PRR12: variants seen among roughly 807,000 people sequenced by gnomAD.
The protein encoded by PRR12 is proline-rich protein 12.
PRR12 carries 12 observed loss-of-function variants against 138.0 expected under a neutral mutation model. That is an observed-to-expected ratio of 0.09 (90% CI 0.06 to 0.14). The LOEUF (loss-of-function observed/expected upper bound fraction) is 0.14. PRR12 is among the 10% of genes least tolerant of loss of function. The pLI, the probability that PRR12 is intolerant of heterozygous loss-of-function variation, is 1.00. For missense variants in PRR12, 2,692 were observed against 2,861.3 expected (o/e 0.94, Z 1.35); for synonymous variants, 1,567 against 1,291.7 (o/e 1.21, Z -4.57).
Position 49,594,355 on chromosome 19 carries a change from C to T in PRR12, c.200-99C>T. On this transcript the variant is annotated intron_variant, in intron 2 of 13. Coordinates refer to ENST00000418929, the MANE Select transcript of PRR12 (RefSeq NM_020719.3). The surrounding 1 kb of genome is among the most constrained non-coding windows in gnomAD (Gnocchi z 5.6). ...TTGCCCTTTTCTCTCCCATCCCCTCCTTTTCCTGATCCAACTTGCTTTTGG... is the reference window on the plus strand; with the variant it reads ...TTGCCCTTTTCTCTCCCATCCCCTCTTTTTCCTGATCCAACTTGCTTTTGG... The T allele has an allele frequency of 7.9e-7, 1 of 1,266,426 alleles. No homozygotes were observed. The highest frequency in any genetic ancestry group is 1.1e-6 in the Non-Finnish European group (1 of 919,554). The allele number at this position is 1,266,426 out of a possible 1,614,324, so 78.4% of individuals were successfully genotyped here.
In PRR12 at chr19:49,599,293, G is replaced by C. The variant is rs1215282122; in HGVS notation, c.3700G>C (p.Ala1234Pro). 3 of 1,606,800 alleles carry C rather than the reference G, an allele frequency of 1.9e-6. No individual in the cohort carries two copies. The highest frequency in any genetic ancestry group is 1.1e-5 in the South Asian group (1 of 90,564). The change falls in exon 5 of 14, where the codon GCT becomes CCT. Residue 1234 changes from alanine to proline, a missense_variant. Ala to Pro is a conservative substitution (Grantham distance 27). Around this residue, in one of 11 missense-constraint regions of PRR12, gnomAD observed 326 missense variants for 344.2 expected, o/e 0.95. Transcript: ENST00000418929. This position sits in a 1 kb window ranked among gnomAD's most constrained non-coding sequence, Gnocchi z 5.0. ...CTAGATCAAGCTGTCTGTGCCCAAG[G>C]CTGGCGAGGGTCTGGGAACCTCATC... ...PLKIKLSVPK[A>P]GEGLGTSSGD...
chr19:49,596,957 G>A lies in PRR12; in HGVS notation c.2622G>A (p.Leu874=). The change falls in exon 4 of 14, where the codon CTG becomes CTA. Residue 874 remains leucine, a synonymous_variant. Transcript: ENST00000418929. This position sits in a 1 kb window ranked among gnomAD's most constrained non-coding sequence, Gnocchi z 5.6. ...PSPRLRPEES[L]DPPGAMQELL... The stretch of plus-strand genomic sequence containing the variant: ...CCCGCCTGCGACCCGAGGAGAGCCT[G>A]GATCCGCCAGGCGCCATGCAGGAAT... 6.4e-7 allele frequency: 1 copy of A among 1,551,844 alleles called. No homozygotes were observed. Among genetic ancestry groups the A allele is most frequent in the South Asian group, 1.2e-5 (1 of 84,882 alleles).
rs2080952134 is a variant in PRR12, at chr19:49,625,786, GC to G, written c.*184del. The G allele has an allele frequency of 1.5e-6, 1 of 647,862 alleles. No individual in the cohort carries two copies. The highest frequency in any genetic ancestry group is 1.9e-5 in the African/African-American group (1 of 53,042). The allele number at this position is 647,862 out of a possible 1,614,324, so 40.1% of individuals were successfully genotyped here. Reference sequence around the variant, plus strand: ...AAGTCCGACTCCCCCCCTCTCCCAAGCCCCCTCCACTCCCTCCCCATTCCTC... The same window carrying G: ...AAGTCCGACTCCCCCCCTCTCCCAAGCCCCTCCACTCCCTCCCCATTCCTC... On this transcript the variant is annotated 3_prime_UTR_variant, in exon 14 of 14. Transcript: ENST00000418929. This position sits in a 1 kb window ranked among gnomAD's most constrained non-coding sequence, Gnocchi z 5.5.
chr19:49,604,733 C>A (rs1413851013), intron 6 of PRR12, among the ~76,000 whole-genome samples: 2 of 152,096 alleles, frequency 1.3e-5, no homozygotes, highest in African/African-American at 4.8e-5. Flanking sequence ...TCACCACCAT[C>A]CATCTCCAAG....
intron 6 of PRR12, among the ~76,000 whole-genome samples, chr19:49,613,476 C>G (rs2080876806): frequency 6.6e-6 from 1 of 152,200 alleles, no homozygotes; most frequent in Non-Finnish European, 1.5e-5. Context: ...TCCTCAAGGT[C>G]ACATGCTCAG....
At chr19:49,591,805 G>C (rs1044630943) in intron 1 of PRR12, 65 bp downstream of exon 1, 5 of 983,162 alleles carry the variant, frequency 5.1e-6, no homozygotes, top group Non-Finnish European at 6.8e-6. Flanking sequence ...GGCCGGGCCG[G>C]GCCGGGCCGG....
chr19:49,599,169 C>G lies in PRR12; in HGVS notation c.3679-103C>G. 5 of 1,129,342 alleles carry G rather than the reference C, an allele frequency of 4.4e-6. No homozygotes were observed. The highest frequency in any genetic ancestry group is 2.4e-6 in the Non-Finnish European group (2 of 821,824). 70.0% of individuals were successfully genotyped at this position (1,129,342 alleles called of 1,614,324 possible). On this transcript the variant is annotated intron_variant, in intron 4 of 13. Coordinates refer to ENST00000418929, the MANE Select transcript of PRR12 (RefSeq NM_020719.3). The surrounding 1 kb of genome is among the most constrained non-coding windows in gnomAD (Gnocchi z 5.0). ...TCTGCAGGTTTGAATTCTATAAATTCACAGGCTGAGCACCTGTAAATTTGG... is the reference window on the plus strand; with the variant it reads ...TCTGCAGGTTTGAATTCTATAAATTGACAGGCTGAGCACCTGTAAATTTGG...
chr19:49,610,119 C>T (rs113817466), intron 6 of PRR12, among the ~76,000 whole-genome samples: 28,809 of 151,922 alleles, frequency 0.19, 2,938 homozygotes, highest in South Asian at 0.3. Context: ...GGATTACAGG[C>T]GCCTGCCACC....
chr19:49,602,520 G>T (rs2080817911), intron 6 of PRR12, among the ~76,000 whole-genome samples: 1 of 152,196 alleles, frequency 6.6e-6, no homozygotes, highest in South Asian at 2.1e-4. Context: ...CAAAAAAAGT[G>T]AATCATTTAG....
Position 49,625,000 on chromosome 19 carries a change from G to A in PRR12, c.5868+10G>A. The A allele has an allele frequency of 6.2e-7, 1 of 1,603,396 alleles. No individual in the cohort carries two copies. Among genetic ancestry groups the A allele is most frequent in the Non-Finnish European group, 8.5e-7 (1 of 1,173,580 alleles). ...CGTGGTCAGAGCCCAGGTGGGCACT[G>A]GGGCTGGGGCTGGGAGTGGGGAGTG... On this transcript the variant is annotated intron_variant, in intron 12 of 13. Transcript: ENST00000418929.
Position 49,597,340 on chromosome 19 carries a change from G to A in PRR12, c.3005G>A (p.Gly1002Glu), listed in dbSNP as rs913848320. ...TGTCCTGGCCGGGCGTCGGGAGCCG[G>A]GCCCGAGACACCGGGCCTGGGCCTG... ...PYCPGRASGA[G>E]PETPGLGLDP... Residue 1002 changes from glycine (G) to glutamate (E), a missense_variant, in exon 4 of 14, where the codon GGG becomes GAG. This residue lies in a region of PRR12 where 840 missense variants were observed against 689.8 expected (regional missense o/e 1.22). Coordinates refer to ENST00000418929, the MANE Select transcript of PRR12 (RefSeq NM_020719.3). The surrounding 1 kb of genome is among the most constrained non-coding windows in gnomAD (Gnocchi z 6.3). 7 of 1,541,728 alleles carry A rather than the reference G, an allele frequency of 4.5e-6. No homozygotes were observed. Among genetic ancestry groups the A allele is most frequent in the Non-Finnish European group, 6.1e-6 (7 of 1,147,824 alleles).
chr19:49,613,390 G>A (rs533395122), intron 6 of PRR12, among the ~76,000 whole-genome samples: 5 of 151,730 alleles, frequency 3.3e-5, no homozygotes, highest in African/African-American at 4.8e-5. Flanking sequence ...AGTGTCCAGG[G>A]AATTGGCATT....
Position 49,595,227 on chromosome 19 carries a change from G to GGCCCCCC in PRR12, c.892_893insGCCCCCC (p.Ala298GlyfsTer52). ...CAAGCACTACCAGCGGCCAGCCAGTGCCCAGCCCCCACCACCCCCGCCACC... is the reference window on the plus strand; with the variant it reads ...CAAGCACTACCAGCGGCCAGCCAGTGGCCCCCCCCCAGCCCCCACCACCCCCGCCACC... On this transcript the variant is annotated frameshift_variant, in exon 4 of 14. Coordinates refer to ENST00000418929, the MANE Select transcript of PRR12 (RefSeq NM_020719.3). LOFTEE classifies it high-confidence loss of function. 6.4e-7 allele frequency: 1 copy of GGCCCCCC among 1,552,936 alleles called. No individual in the cohort carries two copies. The highest frequency in any genetic ancestry group is 8.7e-7 in the Non-Finnish European group (1 of 1,149,672).
At chr19:49,593,927 G>A (rs573585408) in intron 2 of PRR12, among the ~76,000 whole-genome samples, 12 of 152,176 alleles carry the variant, frequency 7.9e-5, no homozygotes, top group Admixed American at 1.3e-4. Context: ...TCTTCCTAGG[G>A]GTACTGGTAA....
In PRR12 at chr19:49,599,806, C is replaced by T; in HGVS notation, c.4213C>T (p.Leu1405Phe). 6.2e-7 allele frequency: 1 copy of T among 1,613,620 alleles called. No individual in the cohort carries two copies. Residue 1405 changes from leucine (L) to phenylalanine (F), a missense_variant, in exon 5 of 14, where the codon CTC becomes TTC. By Grantham distance (22) the Leu-to-Phe change is conservative (BLOSUM62 0). This residue lies in a region of PRR12 where 231 missense variants were observed against 200.8 expected (regional missense o/e 1.15). Transcript: ENST00000418929. This position sits in a 1 kb window ranked among gnomAD's most constrained non-coding sequence, Gnocchi z 5.0. ...GAGCATCTCCTCCGCCATCTCTGCC[C>T]TCGATGACCCACCCCTTGCTGGGCC... ...QESISSAISALDDPPLAGPKD... is the reference protein window; with the variant it reads ...QESISSAISAFDDPPLAGPKD...
At chr19:49,620,253 G>A in intron 9 of PRR12, 99 bp from the exon 10 acceptor site, 2 of 1,509,270 alleles carry the variant, frequency 1.3e-6, no homozygotes, top group Non-Finnish European at 1.8e-6. Context: ...CAAAAGCAGG[G>A]ATTTCTCTTC....
At position 49,594,209 on chromosome 19, in the gene PRR12, C is replaced by G. The variant is rs1029366048; in HGVS notation, c.200-245C>G. Among the ~76,000 whole-genome samples, 1 of 152,192 alleles carries G rather than the reference C, an allele frequency of 6.6e-6. No individual in the cohort carries two copies. The highest frequency in any genetic ancestry group is 2.4e-5 in the African/African-American group (1 of 41,454). ...CTACACTTTTGTCTACCATTTCCTA[C>G]CTGGGCCCCCTGTCCTTATGACTGG... On this transcript the variant is annotated intron_variant, in intron 2 of 13. Coordinates refer to ENST00000418929, the MANE Select transcript of PRR12 (RefSeq NM_020719.3). This position sits in a 1 kb window ranked among gnomAD's most constrained non-coding sequence, Gnocchi z 5.6.
Position 49,595,865 on chromosome 19 carries a change from G to A in PRR12, c.1530G>A (p.Gln510=). The change falls in exon 4 of 14, where the codon CAG becomes CAA. Residue 510 remains glutamine (Q), a synonymous_variant. Coordinates refer to ENST00000418929, the MANE Select transcript of PRR12 (RefSeq NM_020719.3). ...TGCAGGGGCAGCTGTATGGGGTGCAGGGCGAGCCATACCCAGGGCCAGCCG... is the reference window on the plus strand; with the variant it reads ...TGCAGGGGCAGCTGTATGGGGTGCAAGGCGAGCCATACCCAGGGCCAGCCG... The part of the protein sequence containing the change: ...DQLQGQLYGV[Q]GEPYPGPAAH... The A allele has an allele frequency of 1.2e-6, 2 of 1,602,226 alleles. No homozygotes were observed. The highest frequency in any genetic ancestry group is 1.1e-5 in the South Asian group (1 of 90,858).
At chr19:49,621,880 C>A (rs950438844) in intron 11 of PRR12, 1 of 510,488 alleles carries the variant, frequency 2.0e-6, no homozygotes, top group African/African-American at 1.9e-5. Flanking sequence ...TTTCGGAGAA[C>A]AAGTGTGCAG....
Sources: gnomAD v4.1 joint callset for allele counts (sites outside exome capture counted in the v4.1 genomes callset) on GRCh38, gnomAD v4.1.1 for gene constraint, gnomAD v4.1.1 regional missense constraint, Gnocchi (gnomAD v3.1) non-coding constraint, MANE v1.5 for transcripts, NCBI Gene and HGNC (gene_info 2026-07-23, HGNC 2026-07-21) for gene names.